The following CDKAL1 variants were observed in gnomAD, a reference collection of about 807,000 sequenced individuals.
CDKAL1 encodes CDKAL1 threonylcarbamoyladenosine tRNA methylthiotransferase.
CDKAL1 carries 32 observed loss-of-function variants against 68.2 expected under a neutral mutation model. The ratio of observed to expected loss-of-function variants is 0.47; its 90% CI spans 0.35 to 0.63. The LOEUF is 0.63. CDKAL1 is among the 30% of genes least tolerant of loss of function. The probability of loss-of-function intolerance (pLI) is 0.00; values close to 1 mark genes in which losing one functional copy is unlikely to be tolerated. For missense variants in CDKAL1, 606 were observed against 696.7 expected, an observed-to-expected ratio of 0.87 and a Z score of 1.47; for synonymous variants, 234 against 244.3, an observed-to-expected ratio of 0.96 and a Z score of 0.39.
chr6:21,180,007 C>T (rs1254001060), intron 13 of CDKAL1, among the ~76,000 whole-genome samples: 1 of 152,020 alleles, frequency 6.6e-6, no homozygotes, highest in South Asian at 2.1e-4. Context: ...GGTTACAAAG[C>T]GAGACCCTGT....
chr6:20,966,101 G>GT (rs376758239), intron 10 of CDKAL1, among the ~76,000 whole-genome samples: 14,528 of 152,088 alleles, frequency 0.096, 1,177 homozygotes, highest in African/African-American at 0.23. Context: ...TAGAACAGAC[G>GT]GGGGTAATGA....
intron 13 of CDKAL1, among the ~76,000 whole-genome samples, chr6:21,174,849 A>G (rs948901123): frequency 6.6e-5 from 10 of 152,188 alleles, no homozygotes; most frequent in African/African-American, 2.4e-4. Flanking sequence ...TATTGTTGGT[A>G]ATAGCTTAAA....
intron 4 of CDKAL1, among the ~76,000 whole-genome samples, chr6:20,634,269 G>A (rs1767799744): frequency 6.6e-6 from 1 of 152,024 alleles, no homozygotes; most frequent in Non-Finnish European, 1.5e-5. Flanking sequence ...AGATTTTTGG[G>A]GGACATACAA....
chr6:20,860,652 C>T (rs1404848919), intron 9 of CDKAL1, among the ~76,000 whole-genome samples: 1 of 151,900 alleles, frequency 6.6e-6, no homozygotes, highest in East Asian at 2.0e-4. Flanking sequence ...GGTGAAACCC[C>T]TTCCCTACTA....
At chr6:20,827,985 T>C (rs2150456419) in intron 8 of CDKAL1, among the ~76,000 whole-genome samples, 1 of 152,252 alleles carries the variant, frequency 6.6e-6, no homozygotes, top group East Asian at 1.9e-4. Context: ...GTGTTGATGC[T>C]GAGAAATGGT....
intron 9 of CDKAL1, among the ~76,000 whole-genome samples, chr6:20,903,688 T>A (rs1371965060): frequency 2.6e-5 from 4 of 152,190 alleles, no homozygotes; most frequent in Non-Finnish European, 5.9e-5. Flanking sequence ...CTGGAACAAA[T>A]GAAACTGAAG....
chr6:20,933,025 C>T (rs575629556), intron 9 of CDKAL1, among the ~76,000 whole-genome samples: 2 of 152,146 alleles, frequency 1.3e-5, no homozygotes, highest in African/African-American at 4.8e-5. Flanking sequence ...AATGAAGGAG[C>T]CAGGAATCAA....
chr6:21,012,219 TA>T (rs1768062621), intron 11 of CDKAL1, among the ~76,000 whole-genome samples: 1 of 152,220 alleles, frequency 6.6e-6, no homozygotes, highest in South Asian at 2.1e-4. Context: ...TGGCCACACT[TA>T]CCTGCAAGAG....
At chr6:20,555,564 C>T (rs1581718499) in intron 4 of CDKAL1, among the ~76,000 whole-genome samples, 1 of 150,658 alleles carries the variant, frequency 6.6e-6, no homozygotes, top group East Asian at 1.9e-4. Context: ...AGTGATCTAC[C>T]CATCTTGGCC....
At chr6:20,772,599 G>A (rs1237045600) in intron 7 of CDKAL1, among the ~76,000 whole-genome samples, 1 of 152,148 alleles carries the variant, frequency 6.6e-6, no homozygotes, top group Non-Finnish European at 1.5e-5. Flanking sequence ...TTTGTTTAAT[G>A]TAACTTAATT....
intron 4 of CDKAL1, among the ~76,000 whole-genome samples, chr6:20,635,255 A>G (rs578073666): frequency 7.9e-5 from 12 of 152,074 alleles, no homozygotes; most frequent in Non-Finnish European, 1.8e-4. Flanking sequence ...GGGAGAAGGT[A>G]GGGTATTTTT....
intron 13 of CDKAL1, among the ~76,000 whole-genome samples, chr6:21,129,225 AC>A (rs998618596): frequency 1.6e-4 from 24 of 152,266 alleles, no homozygotes; most frequent in African/African-American, 5.3e-4. Context: ...CTGGAAAAAA[AC>A]ATATTAGCAG....
intron 5 of CDKAL1, among the ~76,000 whole-genome samples, chr6:20,721,725 G>GTTCTTTTT: frequency 1.5e-5 from 1 of 67,380 alleles, no homozygotes; most frequent in African/African-American, 6.0e-5. Flanking sequence ...ACCAACTTCT[G>GTTCTTTTT]TTTTTTTTTT....
intron 9 of CDKAL1, among the ~76,000 whole-genome samples, chr6:20,880,612 A>G (rs1424219004): frequency 6.6e-6 from 1 of 152,114 alleles, no homozygotes; most frequent in African/African-American, 2.4e-5. Flanking sequence ...AAATGCCACC[A>G]TATATCATAA....
intron 4 of CDKAL1, among the ~76,000 whole-genome samples, chr6:20,602,776 G>T (rs1766160993): frequency 6.6e-6 from 1 of 152,126 alleles, no homozygotes; most frequent in South Asian, 2.1e-4. Flanking sequence ...TCAGTTTTCT[G>T]GGCTGGGTTT....
chr6:21,078,031 G>A (rs773700906), intron 12 of CDKAL1, among the ~76,000 whole-genome samples: 2 of 152,134 alleles, frequency 1.3e-5, no homozygotes, highest in Non-Finnish European at 2.9e-5. Flanking sequence ...GCCTTTAGAA[G>A]CTGGAAAAGG....
intron 13 of CDKAL1, among the ~76,000 whole-genome samples, chr6:21,164,923 T>G (rs1777088571): frequency 6.6e-6 from 1 of 152,246 alleles, no homozygotes; most frequent in South Asian, 2.1e-4. Context: ...CAGAGGAATC[T>G]AATTCATCTT....
At chr6:20,636,973 G>T (rs1234108942) in intron 4 of CDKAL1, among the ~76,000 whole-genome samples, 2 of 149,152 alleles carry the variant, frequency 1.3e-5, no homozygotes, top group Non-Finnish European at 3.0e-5. Flanking sequence ...GGAAGCAGAA[G>T]TTGCAGTGAG....
chr6:20,991,311 C>G (rs535181977), intron 10 of CDKAL1, among the ~76,000 whole-genome samples: 18 of 152,112 alleles, frequency 1.2e-4, no homozygotes, highest in Admixed American at 7.9e-4. Flanking sequence ...GAGTTTCAGT[C>G]TGGGAAGATC....
Sources: allele counts gnomAD v4.1 joint callset (sites outside exome capture counted in the v4.1 genomes callset), GRCh38; gene constraint gnomAD v4.1.1; transcripts MANE v1.5; gene names NCBI Gene and HGNC (gene_info 2026-07-23, HGNC 2026-07-21).